CAMK1D: variants seen among roughly 807,000 people sequenced by gnomAD.
CAMK1D encodes calcium/calmodulin dependent protein kinase ID.
CAMK1D carries 9 observed loss-of-function variants against 47.7 expected under a neutral mutation model. That is an observed-to-expected ratio of 0.19 (90% CI 0.11 to 0.33). The LOEUF (loss-of-function observed/expected upper bound fraction) is 0.33. Ranked by LOEUF, CAMK1D falls within the 10% of genes least tolerant of loss-of-function variation. The pLI, the probability that CAMK1D is intolerant of heterozygous loss-of-function variation, is 1.00. For synonymous variants in CAMK1D, 184 were observed against 184.9 expected (o/e 0.99, Z 0.04); for missense variants, 291 against 488.7 (o/e 0.60, Z 3.81).
At chr10:12,596,887 A>G (rs1160438248) in intron 2 of CAMK1D, among the ~76,000 whole-genome samples, 1 of 151,244 alleles carries the variant, frequency 6.6e-6, no homozygotes, top group African/African-American at 2.4e-5. Context: ...TGGTTTTTTT[A>G]GGTGTCTTTA....
chr10:12,738,254 A>G (rs1420415964), intron 3 of CAMK1D, among the ~76,000 whole-genome samples: 2 of 152,234 alleles, frequency 1.3e-5, no homozygotes, highest in South Asian at 2.1e-4. Context: ...AATTTCTGTC[A>G]ATAAGAGGAC....
chr10:12,654,924 A>G (rs1840077283), intron 2 of CAMK1D, among the ~76,000 whole-genome samples: 1 of 152,176 alleles, frequency 6.6e-6, no homozygotes, highest in South Asian at 2.1e-4. Flanking sequence ...ACTATAAAGA[A>G]CTTGTTACGC....
At chr10:12,419,684 C>A (rs1432456645) in intron 1 of CAMK1D, among the ~76,000 whole-genome samples, 1 of 139,702 alleles carries the variant, frequency 7.2e-6, no homozygotes, top group Non-Finnish European at 1.6e-5. Flanking sequence ...AAATAGAGTT[C>A]TTGTTAACTT....
chr10:12,827,144 CTTTCCCTCCTTTA>C (rs1161521223), intron 10 of CAMK1D, among the ~76,000 whole-genome samples: 3 of 149,802 alleles, frequency 2.0e-5, no homozygotes, highest in African/African-American at 7.3e-5. Flanking sequence ...CTTTCTTTTT[CTTTCCCTCCTTTA>C]TTTCCCTCCT....
chr10:12,780,549 A>G (rs1026162092), intron 5 of CAMK1D, among the ~76,000 whole-genome samples: 9 of 152,082 alleles, frequency 5.9e-5, no homozygotes, highest in East Asian at 1.9e-4. Context: ...GATTCAGTCA[A>G]TGGACCTCCC....
chr10:12,712,119 A>G (rs1425821367), intron 3 of CAMK1D, among the ~76,000 whole-genome samples: 1 of 152,230 alleles, frequency 6.6e-6, no homozygotes, highest in Non-Finnish European at 1.5e-5. Flanking sequence ...TCAGGTACAA[A>G]GGACATAGCA....
intron 1 of CAMK1D, among the ~76,000 whole-genome samples, chr10:12,491,828 C>A (rs1300111681): frequency 3.3e-5 from 5 of 152,192 alleles, no homozygotes; most frequent in Admixed American, 3.3e-4. Flanking sequence ...CACACCATCA[C>A]CCAGGCTGGA....
intron 1 of CAMK1D, among the ~76,000 whole-genome samples, chr10:12,461,910 G>GAACT (rs1400633854): frequency 6.6e-6 from 1 of 151,928 alleles, no homozygotes; most frequent in East Asian, 1.9e-4. Context: ...TTTTTCTTGG[G>GAACT]AACTGTTCCC....
At chr10:12,739,703 C>T (rs1212796886) in intron 3 of CAMK1D, among the ~76,000 whole-genome samples, 2 of 152,064 alleles carry the variant, frequency 1.3e-5, no homozygotes, top group African/African-American at 2.4e-5. Flanking sequence ...ATTTTAGTTT[C>T]GTGTACTTTG....
chr10:12,767,540 C>G (rs1836824183), intron 4 of CAMK1D, among the ~76,000 whole-genome samples: 1 of 152,116 alleles, frequency 6.6e-6, no homozygotes, highest in Non-Finnish European at 1.5e-5. Context: ...GACACAGCCT[C>G]AAGAGATCCT....
intron 2 of CAMK1D, among the ~76,000 whole-genome samples, chr10:12,604,356 G>A (rs573178139): frequency 5.3e-5 from 8 of 152,296 alleles, no homozygotes; most frequent in Admixed American, 6.5e-5. Flanking sequence ...AAGTGCCAGC[G>A]TCTTTGAAGC....
At chr10:12,814,164 G>T (rs774251388) in intron 6 of CAMK1D, 31 bp from the exon 7 acceptor site, 33 of 1,388,878 alleles carry the variant, frequency 2.4e-5, no homozygotes, top group South Asian at 1.5e-4. Flanking sequence ...TTATGCAGAT[G>T]TTCCAGCTTT....
intron 1 of CAMK1D, among the ~76,000 whole-genome samples, chr10:12,445,276 A>C (rs1241372522): frequency 6.6e-6 from 1 of 152,242 alleles, no homozygotes. Flanking sequence ...CCCCTTGGCC[A>C]AGAGGAAGGT....
At chr10:12,642,635 C>T (rs1839697761) in intron 2 of CAMK1D, among the ~76,000 whole-genome samples, 1 of 152,174 alleles carries the variant, frequency 6.6e-6, no homozygotes, top group African/African-American at 2.4e-5. Flanking sequence ...AAATTCCTAC[C>T]AATAATGAGA....
chr10:12,736,569 A>G (rs1835198480), intron 3 of CAMK1D, among the ~76,000 whole-genome samples: 1 of 152,224 alleles, frequency 6.6e-6, no homozygotes, highest in South Asian at 2.1e-4. Flanking sequence ...AAAATATTTC[A>G]ATACAAAACC....
chr10:12,549,184 A>G (rs913069981), intron 1 of CAMK1D, among the ~76,000 whole-genome samples: 1 of 152,158 alleles, frequency 6.6e-6, no homozygotes, highest in African/African-American at 2.4e-5. Flanking sequence ...TCCCAAATGG[A>G]AACTCCGTCC....
At chr10:12,812,043 A>G (rs1486466998) in intron 6 of CAMK1D, among the ~76,000 whole-genome samples, 17 of 152,238 alleles carry the variant, frequency 1.1e-4, no homozygotes. Context: ...ACGGGCCCAC[A>G]GAATGTCTCA....
At position 12,440,038 on chromosome 10, in the gene CAMK1D, C is replaced by A. The variant is rs79606932; in HGVS notation, c.92+90128C>A. 1.9e-4 allele frequency among the ~76,000 whole-genome samples: 29 copies of A among 152,206 alleles called. 1 individual carries two copies. The East Asian group carries it at 5.4e-3, about 28-fold the overall frequency. ...TGATTCAGTGAACTCCCACTGGGTC[C>A]CTCCCATAACATGTGGGAATTATGG... On this transcript the variant is annotated intron_variant, in intron 1 of 10. Transcript: ENST00000619168.
intron 1 of CAMK1D, among the ~76,000 whole-genome samples, chr10:12,424,583 C>T (rs773532446): frequency 1.1e-4 from 17 of 152,162 alleles, no homozygotes; most frequent in Admixed American, 4.6e-4. Flanking sequence ...CCCAGTCCAG[C>T]GTATTTTCCA....
Sources: gnomAD v4.1 joint callset for allele counts (sites outside exome capture counted in the v4.1 genomes callset) on GRCh38, gnomAD v4.1.1 for gene constraint, MANE v1.5 for transcripts, NCBI Gene and HGNC (gene_info 2026-07-23, HGNC 2026-07-21) for gene names.